Variants in WIF1 observed in about 807,000 individuals in gnomAD.
WIF1 encodes the protein Wnt inhibitory factor 1.
A neutral mutation model predicts 53.5 loss-of-function variants in WIF1; 35 were observed. The ratio of observed to expected loss-of-function variants is 0.65; its 90% CI spans 0.50 to 0.87. WIF1 has a LOEUF of 0.87. Ranked by LOEUF, WIF1 falls within the 40% of genes least tolerant of loss-of-function variation. The pLI, the probability that WIF1 is intolerant of heterozygous loss-of-function variation, is 0.00. For synonymous variants in WIF1, 171 were observed against 170.4 expected (o/e 1.00, Z -0.03); for missense variants, 467 against 476.8 (o/e 0.98, Z 0.19).
chr12:65,067,893 C>T, intron 4 of WIF1, 103 bp from the exon 5 acceptor site: 2 of 929,192 alleles, frequency 2.2e-6, no homozygotes, highest in South Asian at 1.6e-5. Flanking sequence ...TCTAGCCCAC[C>T]AATTAATCAT....
chr12:65,051,285 A>T lies in WIF1; in HGVS notation c.*64T>A. The stretch of plus-strand genomic sequence containing the variant: ...GTAATGAACATTATTTGAACATTCA[A>T]CACATGAAAGGTTAACAAAGGCTAT... On this transcript the variant is annotated 3_prime_UTR_variant, in exon 10 of 10. Coordinates refer to ENST00000286574, the MANE Select transcript of WIF1 (RefSeq NM_007191.5). The T allele has an allele frequency of 6.5e-7, 1 of 1,548,580 alleles. No homozygotes were observed. Among genetic ancestry groups the T allele is most frequent in the Non-Finnish European group, 8.7e-7 (1 of 1,146,952 alleles).
At chr12:65,082,527 T>G (rs1882965335) in intron 2 of WIF1, among the ~76,000 whole-genome samples, 1 of 152,196 alleles carries the variant, frequency 6.6e-6, no homozygotes, top group Non-Finnish European at 1.5e-5. Flanking sequence ...TGGTTTGCCA[T>G]GCAGTAAATT....
intron 2 of WIF1, among the ~76,000 whole-genome samples, chr12:65,116,672 C>T (rs1483031137): frequency 1.3e-5 from 2 of 151,852 alleles, no homozygotes; most frequent in Admixed American, 6.6e-5. Flanking sequence ...TGGTGGCTCA[C>T]GCCTGTAATC....
At chr12:65,097,629 C>A (rs1883225358) in intron 2 of WIF1, among the ~76,000 whole-genome samples, 1 of 152,158 alleles carries the variant, frequency 6.6e-6, no homozygotes, top group Non-Finnish European at 1.5e-5. Flanking sequence ...CAAGTCTTAT[C>A]ATTTATTCAT....
At chr12:65,087,306 G>A (rs1316903293) in intron 2 of WIF1, among the ~76,000 whole-genome samples, 4 of 152,128 alleles carry the variant, frequency 2.6e-5, no homozygotes, top group African/African-American at 7.2e-5. Flanking sequence ...AGGACAGAAT[G>A]ATATTTACAA....
chr12:65,091,832 T>C (rs1883127328), intron 2 of WIF1, among the ~76,000 whole-genome samples: 1 of 152,176 alleles, frequency 6.6e-6, no homozygotes, highest in African/African-American at 2.4e-5. Flanking sequence ...CTTCTTTTAT[T>C]CATTCACCCA....
At chr12:65,115,369 A>G (rs1469625735) in intron 2 of WIF1, among the ~76,000 whole-genome samples, 3 of 152,102 alleles carry the variant, frequency 2.0e-5, no homozygotes, top group Non-Finnish European at 4.4e-5. Flanking sequence ...CCTTACACCA[A>G]ATTGGTTCAT....
intron 2 of WIF1, among the ~76,000 whole-genome samples, chr12:65,119,237 G>A (rs1056012093): frequency 2.0e-5 from 3 of 152,178 alleles, no homozygotes; most frequent in Non-Finnish European, 2.9e-5. Flanking sequence ...TCCCTATAGA[G>A]CAATGGAAAC....
chr12:65,077,862 CA>C lies in WIF1; in HGVS notation c.289-9del. The C allele has an allele frequency of 6.2e-7, 1 of 1,603,396 alleles. No individual in the cohort carries two copies. The highest frequency in any genetic ancestry group is 8.5e-7 in the Non-Finnish European group (1 of 1,171,048). On this transcript the variant is annotated splice_polypyrimidine_tract_variant and intron_variant, in intron 2 of 9. Transcript: ENST00000286574. ...TTCATAGAAGTATTCTGCCTACAACCAAAGGCACTGACAGTTAGTAACATGG... is the reference window on the plus strand; with the variant it reads ...TTCATAGAAGTATTCTGCCTACAACCAAGGCACTGACAGTTAGTAACATGG...
chr12:65,100,620 G>A lies in WIF1; in HGVS notation c.288+19797C>T, dbSNP rs1414098256. 2.0e-5 allele frequency among the ~76,000 whole-genome samples: 3 copies of A among 152,070 alleles called. 1 individual carries two copies. In the East Asian group the frequency reaches 5.8e-4, roughly 29 times the overall value. On this transcript the variant is annotated intron_variant, in intron 2 of 9. Coordinates refer to ENST00000286574, the MANE Select transcript of WIF1 (RefSeq NM_007191.5). ...TTCCACTTCTGGAACTCAGTCTTAT[G>A]GCAGTAATCCTTAAACAGAAAAAGT...
At chr12:65,088,187 TG>T (rs1306292523) in intron 2 of WIF1, among the ~76,000 whole-genome samples, 1 of 152,208 alleles carries the variant, frequency 6.6e-6, no homozygotes, top group Non-Finnish European at 1.5e-5. Flanking sequence ...AAGAAATTCT[TG>T]TAAACATCAT....
At chr12:65,064,553 C>T (rs1445788051) in intron 6 of WIF1, among the ~76,000 whole-genome samples, 1 of 151,998 alleles carries the variant, frequency 6.6e-6, no homozygotes, top group Non-Finnish European at 1.5e-5. Flanking sequence ...ATATTCCCTC[C>T]TGGAGAATTA....
At chr12:65,103,805 GTTAC>G (rs1415970965) in intron 2 of WIF1, among the ~76,000 whole-genome samples, 1 of 152,160 alleles carries the variant, frequency 6.6e-6, no homozygotes, top group Non-Finnish European at 1.5e-5. Context: ...CCCTGGGCAA[GTTAC>G]TTAATTTCCT....
intron 2 of WIF1, among the ~76,000 whole-genome samples, chr12:65,114,912 A>G (rs990944546): frequency 3.3e-5 from 5 of 152,190 alleles, no homozygotes; most frequent in African/African-American, 1.2e-4. Flanking sequence ...TTTAGTAGTT[A>G]TAAGAATTCT....
chr12:65,085,519 C>T (rs903503390), intron 2 of WIF1, among the ~76,000 whole-genome samples: 1 of 152,138 alleles, frequency 6.6e-6, no homozygotes, highest in Non-Finnish European at 1.5e-5. Flanking sequence ...GACTATTTTT[C>T]CCTGCCTGCT....
In WIF1 at chr12:65,088,936, AG is replaced by A. The variant is rs1158478519; in HGVS notation, c.289-11083del. Among the ~76,000 whole-genome samples, 7 of 152,286 alleles carry A rather than the reference AG, an allele frequency of 4.6e-5. No homozygotes were observed. The East Asian group carries it at 1.4e-3, about 29-fold the overall frequency. On this transcript the variant is annotated intron_variant, in intron 2 of 9. Transcript: ENST00000286574. ...GTCAAAAGAATCTATGACTCAAAAAAGTTAAGAACCATTGTCTTAAATGTTG... is the reference window on the plus strand; with the variant it reads ...GTCAAAAGAATCTATGACTCAAAAAATTAAGAACCATTGTCTTAAATGTTG...
At chr12:65,106,373 A>ATATATATATATATT (rs1555188075) in intron 2 of WIF1, among the ~76,000 whole-genome samples, 1 of 142,338 alleles carries the variant, frequency 7.0e-6, no homozygotes, top group African/African-American at 2.8e-5. Flanking sequence ...ATATATATAT[A>ATATATATATATATT]TTTTTTTTTA....
chr12:65,058,538 C>A (rs891109389), intron 7 of WIF1, among the ~76,000 whole-genome samples: 1 of 152,222 alleles, frequency 6.6e-6, no homozygotes, highest in East Asian at 1.9e-4. Context: ...ACAACAGAAA[C>A]GTGACTGCAG....
rs1400896901 is a variant in WIF1 at position 65,050,952 on chromosome 12, T to C, written c.*397A>G. ...TCTGACAATAAAATCTGAAATGCTGTAACTTCAACATTAACTGCACCATCC... is the reference window on the plus strand; with the variant it reads ...TCTGACAATAAAATCTGAAATGCTGCAACTTCAACATTAACTGCACCATCC... On this transcript the variant is annotated 3_prime_UTR_variant, in exon 10 of 10. Transcript: ENST00000286574. 1.3e-5 allele frequency: 3 copies of C among 232,362 alleles called. No individual in the cohort carries two copies. The highest frequency in any genetic ancestry group is 6.2e-5 in the East Asian group (1 of 16,216). The allele number at this position is 232,362 out of a possible 1,614,324, so 14.4% of individuals were successfully genotyped here.
Sources: gnomAD v4.1 joint callset for allele counts (sites outside exome capture counted in the v4.1 genomes callset) on GRCh38, gnomAD v4.1.1 for gene constraint, MANE v1.5 for transcripts, NCBI Gene and HGNC (gene_info 2026-07-23, HGNC 2026-07-21) for gene names.